The following RGS17 variants were observed in gnomAD, a reference collection of about 807,000 sequenced individuals.
The protein encoded by RGS17 is regulator of G-protein signaling 17.
A neutral mutation model predicts 25.5 loss-of-function variants in RGS17; 12 were observed. That is an observed-to-expected ratio of 0.47 (90% CI 0.30 to 0.76). The LOEUF (loss-of-function observed/expected upper bound fraction) is 0.76, where lower values mean the gene tolerates loss of function less well. Ranked by LOEUF, RGS17 falls within the 30% of genes least tolerant of loss-of-function variation. The pLI is 0.07. For missense variants in RGS17, 196 were observed against 242.2 expected (o/e 0.81, Z 1.27); for synonymous variants, 71 against 76.9 (o/e 0.92, Z 0.40).
intron 1 of RGS17, among the ~76,000 whole-genome samples, chr6:153,108,247 A>G (rs745664196): frequency 1.3e-5 from 2 of 152,142 alleles, no homozygotes; most frequent in Non-Finnish European, 2.9e-5. Context: ...CCATCTTATC[A>G]CCTAATATGC....
At chr6:153,080,455 A>C (rs963423095) in intron 1 of RGS17, among the ~76,000 whole-genome samples, 1 of 152,048 alleles carries the variant, frequency 6.6e-6, no homozygotes, top group Non-Finnish European at 1.5e-5. Context: ...CAGTCTCATT[A>C]GAGGTTTATC....
chr6:153,031,898 T>A (rs1292826741), intron 2 of RGS17, among the ~76,000 whole-genome samples: 1 of 151,596 alleles, frequency 6.6e-6, no homozygotes, highest in Non-Finnish European at 1.5e-5. Context: ...CAAAAAGGAG[T>A]TGTTATAGAA....
chr6:153,012,112 ATTCTGTGACT>A (rs1779139658), intron 4 of RGS17, among the ~76,000 whole-genome samples: 1 of 152,194 alleles, frequency 6.6e-6, no homozygotes, highest in Admixed American at 6.5e-5. Context: ...ACCTCCTGCT[ATTCTGTGACT>A]GGGGGAGGTT....
chr6:153,054,102 A>ATGTATG (rs1398349694), intron 1 of RGS17, among the ~76,000 whole-genome samples: 6 of 99,206 alleles, frequency 6.0e-5, no homozygotes, highest in East Asian at 3.2e-4. Flanking sequence ...TTATATATAT[A>ATGTATG]TATATATATA....
chr6:153,068,535 T>TG (rs767745563), intron 1 of RGS17, among the ~76,000 whole-genome samples: 2 of 152,180 alleles, frequency 1.3e-5, no homozygotes, highest in Non-Finnish European at 2.9e-5. Context: ...TCTAGTACAC[T>TG]GGGCTGGACA....
At chr6:153,123,315 T>C (rs1249187010) in intron 1 of RGS17, among the ~76,000 whole-genome samples, 2 of 152,128 alleles carry the variant, frequency 1.3e-5, no homozygotes, top group Admixed American at 6.5e-5. Context: ...TTTTTACTTA[T>C]TAAGAGCCCG....
intron 1 of RGS17, among the ~76,000 whole-genome samples, chr6:153,067,910 C>T (rs771010696): frequency 1.3e-5 from 2 of 152,142 alleles, no homozygotes; most frequent in South Asian, 2.1e-4. Context: ...TCAAATTATT[C>T]TACAGAGCTA....
intron 1 of RGS17, among the ~76,000 whole-genome samples, chr6:153,112,823 A>G (rs769090105): frequency 4.6e-5 from 7 of 152,204 alleles, no homozygotes; most frequent in Non-Finnish European, 8.8e-5. Context: ...CAGCAAAACT[A>G]AGCTTCATAA....
chr6:153,072,161 T>C (rs1023683539), intron 1 of RGS17, among the ~76,000 whole-genome samples: 2 of 152,138 alleles, frequency 1.3e-5, no homozygotes, highest in African/African-American at 4.8e-5. Flanking sequence ...TTATTTGTCA[T>C]GAAGAAGCAG....
intron 1 of RGS17, among the ~76,000 whole-genome samples, chr6:153,100,053 A>C (rs1777276708): frequency 6.6e-6 from 1 of 152,180 alleles, no homozygotes; most frequent in Non-Finnish European, 1.5e-5. Context: ...CAATTTGGCA[A>C]TAATTTTTCC....
intron 1 of RGS17, among the ~76,000 whole-genome samples, chr6:153,054,104 A>ATATG (rs1776518379): frequency 1.4e-5 from 1 of 69,638 alleles, no homozygotes; most frequent in African/African-American, 6.2e-5. Context: ...ATATATATAT[A>ATATG]TATATATATG....
chr6:153,080,872 T>A (rs1776969232), intron 1 of RGS17, among the ~76,000 whole-genome samples: 1 of 152,162 alleles, frequency 6.6e-6, no homozygotes, highest in African/African-American at 2.4e-5. Context: ...TTTGGAAAGG[T>A]GTAGTTTGAC....
intron 1 of RGS17, among the ~76,000 whole-genome samples, chr6:153,082,919 C>T (rs377278815): frequency 1.1e-4 from 16 of 152,134 alleles, no homozygotes; most frequent in African/African-American, 3.6e-4. Flanking sequence ...ACCAGCAGGC[C>T]TGACCCCACC....
In RGS17 at chr6:153,054,018, G is replaced by T. The variant is rs9371662; in HGVS notation, c.-25-9975C>A. Among the ~76,000 whole-genome samples, 12 of 21,352 alleles carry T rather than the reference G, an allele frequency of 5.6e-4. 1 individual carries two copies. The highest frequency in any genetic ancestry group is 9.1e-5 in the Non-Finnish European group (1 of 10,948). 14.0% of individuals were successfully genotyped at this position (21,352 alleles called of 152,430 possible). A position where few individuals can be genotyped will look rare whatever the true frequency, so the allele number is the denominator to read the frequency against. ...TATATATACATATATACGTATATAT[G>T]TATATAATATATATACATATATATG... On this transcript the variant is annotated intron_variant, in intron 1 of 4. Transcript: ENST00000206262.
intron 1 of RGS17, among the ~76,000 whole-genome samples, chr6:153,058,496 C>G (rs535847944): frequency 6.6e-6 from 1 of 152,180 alleles, no homozygotes. Context: ...ACAATCAACT[C>G]GTTATCCAAC....
intron 2 of RGS17, 79 bp from the exon 3 acceptor site, chr6:153,026,622 C>A: frequency 9.6e-7 from 1 of 1,043,420 alleles, no homozygotes. Context: ...TCTGGGGAAA[C>A]ATTTCACAGG....
At chr6:153,023,693 TC>T (rs1779269544) in intron 4 of RGS17, among the ~76,000 whole-genome samples, 1 of 152,190 alleles carries the variant, frequency 6.6e-6, no homozygotes, top group Non-Finnish European at 1.5e-5. Context: ...TGGTCAAGGA[TC>T]ATTTTTCATT....
intron 2 of RGS17, among the ~76,000 whole-genome samples, chr6:153,040,002 T>G (rs1776302067): frequency 6.6e-6 from 1 of 152,162 alleles, no homozygotes; most frequent in African/African-American, 2.4e-5. Context: ...ACAAATGGTC[T>G]TGACAAAATG....
At chr6:153,094,024 A>G (rs1169037633) in intron 1 of RGS17, among the ~76,000 whole-genome samples, 1 of 152,106 alleles carries the variant, frequency 6.6e-6, no homozygotes, top group African/African-American at 2.4e-5. Context: ...GGTATCATCA[A>G]TGGAGGAGGC....
Sources: allele counts gnomAD v4.1 joint callset (sites outside exome capture counted in the v4.1 genomes callset), GRCh38; gene constraint gnomAD v4.1.1; transcripts MANE v1.5; gene names NCBI Gene and HGNC (gene_info 2026-07-23, HGNC 2026-07-21).